Variants in HCN1 observed in about 807,000 individuals in gnomAD.
HCN1 encodes the protein potassium/sodium hyperpolarization-activated cyclic nucleotide-gated channel 1.
In HCN1, 13 loss-of-function variants were observed where a neutral mutation model predicts 78.9. That is an observed-to-expected ratio of 0.16 (90% confidence interval 0.11 to 0.26). HCN1 has a LOEUF of 0.26. Ranked by LOEUF, HCN1 falls within the 10% of genes least tolerant of loss-of-function variation. The pLI, the probability that HCN1 is intolerant of heterozygous loss-of-function variation, is 1.00. For synonymous variants in HCN1, 552 were observed against 455.5 expected (o/e 1.21, Z -2.70); for missense variants, 810 against 1,154.3 (o/e 0.70, Z 4.32).
At chr5:45,407,276 C>G (rs1739944018) in intron 3 of HCN1, among the ~76,000 whole-genome samples, 1 of 152,074 alleles carries the variant, frequency 6.6e-6, no homozygotes. Context: ...CAATGCGTCA[C>G]TCATCTGCTT....
chr5:45,328,266 T>G (rs1339524924), intron 5 of HCN1, among the ~76,000 whole-genome samples: 1 of 151,712 alleles, frequency 6.6e-6, no homozygotes, highest in Non-Finnish European at 1.5e-5. Flanking sequence ...CATTTTTTTT[T>G]TTCTTCACAA....
At chr5:45,348,828 C>T (rs937120940) in intron 5 of HCN1, among the ~76,000 whole-genome samples, 13 of 152,102 alleles carry the variant, frequency 8.5e-5, no homozygotes, top group Non-Finnish European at 1.5e-4. Flanking sequence ...GCTAACTATC[C>T]TAAATATATA....
intron 5 of HCN1, among the ~76,000 whole-genome samples, chr5:45,304,066 A>T (rs1745679201): frequency 6.6e-6 from 1 of 152,134 alleles, no homozygotes; most frequent in Non-Finnish European, 1.5e-5. Flanking sequence ...AATGTATTAA[A>T]TATTCGATAA....
intron 2 of HCN1, among the ~76,000 whole-genome samples, chr5:45,548,162 A>G (rs868579481): frequency 6.6e-6 from 1 of 151,974 alleles, no homozygotes; most frequent in African/African-American, 2.4e-5. Context: ...CCTAGGTTTT[A>G]TTAACAATCT....
intron 6 of HCN1, among the ~76,000 whole-genome samples, chr5:45,272,885 G>A (rs1351616684): frequency 6.6e-6 from 1 of 152,004 alleles, no homozygotes; most frequent in Admixed American, 6.6e-5. Context: ...CCAAAGAACA[G>A]ATTCAGTGCA....
intron 6 of HCN1, among the ~76,000 whole-genome samples, chr5:45,290,597 A>T (rs1745352661): frequency 6.6e-6 from 1 of 152,090 alleles, no homozygotes; most frequent in Admixed American, 6.6e-5. Context: ...ATTAGAAGAA[A>T]AGTTTGGGAT....
chr5:45,492,162 C>A (rs1741897813), intron 2 of HCN1, among the ~76,000 whole-genome samples: 1 of 151,774 alleles, frequency 6.6e-6, no homozygotes, highest in South Asian at 2.1e-4. Context: ...CTATCATATC[C>A]AGCATTTTAC....
At chr5:45,394,629 G>T (rs1157707661) in intron 4 of HCN1, among the ~76,000 whole-genome samples, 2 of 152,030 alleles carry the variant, frequency 1.3e-5, no homozygotes, top group South Asian at 2.1e-4. Context: ...GGCAGAACTT[G>T]GTTTGTAGAC....
intron 1 of HCN1, 111 bp downstream of exon 1, chr5:45,695,558 C>CCACCCCCCGCGCG: frequency 9.0e-7 from 1 of 1,110,136 alleles, no homozygotes; most frequent in Non-Finnish European, 1.3e-6. Flanking sequence ...GCCGGCAGCG[C>CCACCCCCCGCGCG]CACCCCCCGC....
chr5:45,659,389 C>T (rs1228818022), intron 1 of HCN1, among the ~76,000 whole-genome samples: 1 of 109,096 alleles, frequency 9.2e-6, no homozygotes, highest in Non-Finnish European at 1.8e-5. Context: ...CTCTAAAACG[C>T]AGAGCGCCTC....
intron 3 of HCN1, among the ~76,000 whole-genome samples, chr5:45,415,435 C>T (rs527389449): frequency 6.6e-6 from 1 of 152,052 alleles, no homozygotes; most frequent in South Asian, 2.1e-4. Flanking sequence ...CTCTCCTGAG[C>T]AATACTGCTT....
At chr5:45,444,026 G>A (rs952664272) in intron 3 of HCN1, among the ~76,000 whole-genome samples, 8 of 152,110 alleles carry the variant, frequency 5.3e-5, no homozygotes, top group Non-Finnish European at 1.2e-4. Flanking sequence ...GTGTTGCAAA[G>A]CAAGGAGCTT....
intron 2 of HCN1, among the ~76,000 whole-genome samples, chr5:45,547,887 G>A (rs1275127481): frequency 6.6e-6 from 1 of 151,858 alleles, no homozygotes; most frequent in Non-Finnish European, 1.5e-5. Context: ...ATATTGATAT[G>A]TTAATCCAAT....
rs146734286 is a variant in HCN1, at chr5:45,413,965, T to C, written c.1012-17255A>G. 2.4e-3 allele frequency among the ~76,000 whole-genome samples: 366 copies of C among 152,130 alleles called. 3 individuals are homozygous for C. Among genetic ancestry groups the C allele is most frequent in the African/African-American group, 8.3e-3 (343 of 41,536 alleles). On this transcript the variant is annotated intron_variant, in intron 3 of 7. Coordinates refer to ENST00000303230, the MANE Select transcript of HCN1 (RefSeq NM_021072.4). The stretch of plus-strand genomic sequence containing the variant: ...GCAATCTTAAAGCAGGATTCACATA[T>C]TTTGAAGCTCAACAAATTGTTGCCA...
At chr5:45,597,654 G>A (rs940477902) in intron 2 of HCN1, among the ~76,000 whole-genome samples, 5 of 152,116 alleles carry the variant, frequency 3.3e-5, no homozygotes, top group Admixed American at 6.5e-5. Context: ...TGACATGACC[G>A]TATATTTAGA....
intron 2 of HCN1, among the ~76,000 whole-genome samples, chr5:45,612,686 T>G (rs1016114397): frequency 6.6e-6 from 1 of 152,126 alleles, no homozygotes; most frequent in African/African-American, 2.4e-5. Flanking sequence ...ACCCTGAAAG[T>G]GAAGAGTACA....
intron 1 of HCN1, among the ~76,000 whole-genome samples, chr5:45,648,451 G>A (rs1399657869): frequency 6.6e-6 from 1 of 151,674 alleles, no homozygotes; most frequent in Non-Finnish European, 1.5e-5. Flanking sequence ...TCCTTTTAAA[G>A]TAACATCGAC....
chr5:45,377,774 C>A (rs1747714263), intron 4 of HCN1, among the ~76,000 whole-genome samples: 1 of 151,892 alleles, frequency 6.6e-6, no homozygotes, highest in Non-Finnish European at 1.5e-5. Flanking sequence ...ATACATAAGA[C>A]TATAACAAAT....
chr5:45,352,140 G>T (rs887482216), intron 5 of HCN1, among the ~76,000 whole-genome samples: 10 of 151,986 alleles, frequency 6.6e-5, no homozygotes, highest in East Asian at 3.9e-4. Context: ...TGTCCAACAA[G>T]GATAGACTGG....
Sources: gnomAD v4.1 joint callset for allele counts (sites outside exome capture counted in the v4.1 genomes callset) on GRCh38, gnomAD v4.1.1 for gene constraint, MANE v1.5 for transcripts, NCBI Gene and HGNC (gene_info 2026-07-23, HGNC 2026-07-21) for gene names.